Variants in RRAD observed in about 807,000 individuals in gnomAD.
The protein encoded by RRAD is GTP-binding protein RAD.
Under a neutral mutation model 24.7 loss-of-function variants are expected in RRAD, and 15 were observed. The observed-to-expected ratio is 0.61, with a 90% CI of 0.41 to 0.93. RRAD has a LOEUF of 0.93. Ranked by LOEUF, RRAD falls within the 40% of genes least tolerant of loss-of-function variation. The pLI is 0.00. For missense variants in RRAD, 438 were observed against 452.2 expected, an observed-to-expected ratio of 0.97 and a Z score of 0.29; for synonymous variants, 180 against 189.8, an observed-to-expected ratio of 0.95 and a Z score of 0.43.
Position 66,923,826 on chromosome 16 carries a change from G to T in RRAD, c.444+20C>A, listed in dbSNP as rs754416555. The T allele has an allele frequency of 6.2e-7, 1 of 1,612,752 alleles. No individual in the cohort carries two copies. Among genetic ancestry groups the T allele is most frequent in the Non-Finnish European group, 8.5e-7 (1 of 1,178,960 alleles). The stretch of plus-strand genomic sequence containing the variant: ...ACTCACTCCTCCCTCCCCTGCCCTG[G>T]GTCTCTGCTTGCACCCTACCTGCTC... On this transcript the variant is annotated intron_variant, in intron 3 of 4. Transcript: ENST00000299759. The surrounding 1 kb of genome is among the most constrained non-coding windows in gnomAD (Gnocchi z 4.9).
chr16:66,923,428 G>A lies in RRAD; in HGVS notation c.649+88C>T, dbSNP rs1962945246. On this transcript the variant is annotated intron_variant, in intron 4 of 4. Transcript: ENST00000299759. This position sits in a 1 kb window ranked among gnomAD's most constrained non-coding sequence, Gnocchi z 4.9. ...TTTCTGAACATTTTTAGCCTCTGATGATCCCCAGGGACTCAAGCTGAGCCA... is the reference window on the plus strand; with the variant it reads ...TTTCTGAACATTTTTAGCCTCTGATAATCCCCAGGGACTCAAGCTGAGCCA... 9.3e-7 allele frequency: 1 copy of A among 1,075,270 alleles called. No homozygotes were observed. The highest frequency in any genetic ancestry group is 1.4e-6 in the Non-Finnish European group (1 of 736,760). The allele number at this position is 1,075,270 out of a possible 1,614,324, so 66.6% of individuals were successfully genotyped here. A position where few individuals can be genotyped will look rare whatever the true frequency, so the allele number is the denominator to read the frequency against.
rs111919092 is a variant in RRAD, at chr16:66,924,699, T to TAATAATAATAAC, written c.370+110_370+111insGTTATTATTATT. The TAATAATAATAAC allele has an allele frequency of 0.012, 7,800 of 661,078 alleles. 86 individuals carry two copies. Among genetic ancestry groups the TAATAATAATAAC allele is most frequent in the African/African-American group, 0.051 (1,916 of 37,508 alleles). 41.0% of individuals were successfully genotyped at this position (661,078 alleles called of 1,614,324 possible). A position where few individuals can be genotyped will look rare whatever the true frequency, so the allele number is the denominator to read the frequency against. On this transcript the variant is annotated intron_variant, in intron 2 of 4. Transcript: ENST00000299759. This position sits in a 1 kb window ranked among gnomAD's most constrained non-coding sequence, Gnocchi z 4.2. ...AATAAAATAATAATAATAATAATAA[T>TAATAATAATAAC]AACAACAACAACAACTATAATTCCA...
At position 66,924,573 on chromosome 16, in the gene RRAD, G is replaced by C. The variant is rs554710882; in HGVS notation, c.370+237C>G. ...CTAGCTACTCTGGAGGCTGAGGCAGGAGAATCCCTTGAAACCTGAAGGCGG... is the reference window on the plus strand; with the variant it reads ...CTAGCTACTCTGGAGGCTGAGGCAGCAGAATCCCTTGAAACCTGAAGGCGG... On this transcript the variant is annotated intron_variant, in intron 2 of 4. Transcript: ENST00000299759. The surrounding 1 kb of genome is among the most constrained non-coding windows in gnomAD (Gnocchi z 4.2). Among the ~76,000 whole-genome samples the C allele has an allele frequency of 1.1e-4, 17 of 152,146 alleles. No individual in the cohort carries two copies. Among genetic ancestry groups the C allele is most frequent in the Non-Finnish European group, 1.9e-4 (13 of 68,036 alleles).
At position 66,925,366 on chromosome 16, in the gene RRAD, T is replaced by A. The variant is rs1962984972; in HGVS notation, c.-16+43A>T. On this transcript the variant is annotated intron_variant, in intron 1 of 4. Coordinates refer to ENST00000299759, the MANE Select transcript of RRAD (RefSeq NM_004165.3). The surrounding 1 kb of genome is among the most constrained non-coding windows in gnomAD (Gnocchi z 5.2). ...CCGGGACCCCTCCGGACCTGGCGCA[T>A]CCATCTGCAGCCGCCCCGACCCCGC... The A allele has an allele frequency of 2.2e-6, 1 of 462,450 alleles. No individual in the cohort carries two copies. Among genetic ancestry groups the A allele is most frequent in the Non-Finnish European group, 3.4e-6 (1 of 294,680 alleles). The allele number at this position is 462,450 out of a possible 1,614,324, so 28.6% of individuals were successfully genotyped here. A position where few individuals can be genotyped will look rare whatever the true frequency, so the allele number is the denominator to read the frequency against.
At position 66,922,127 on chromosome 16, in the gene RRAD, C is replaced by A. The variant is rs1244238924; in HGVS notation, c.876G>T (p.Lys292Asn). ...LGRIVARNSR[K>N]MAFRAKSKSC... ...ACTTGGATTTGGCGCGAAAGGCCAT[C>A]TTGCGGCTGTTACGAGCTACGATGC... The change falls in exon 5 of 5, where the codon AAG becomes AAT. Residue 292 changes from lysine (K) to asparagine (N), a missense_variant. By Grantham distance (94) the Lys-to-Asn change is moderately conservative. Transcript: ENST00000299759. 2 of 1,613,104 alleles carry A rather than the reference C, an allele frequency of 1.2e-6. No homozygotes were observed. Among genetic ancestry groups the A allele is most frequent in the Non-Finnish European group, 1.7e-6 (2 of 1,179,046 alleles).
chr16:66,923,270 A>G lies in RRAD; in HGVS notation c.649+246T>C, dbSNP rs1489911519. On this transcript the variant is annotated intron_variant, in intron 4 of 4. Coordinates refer to ENST00000299759, the MANE Select transcript of RRAD (RefSeq NM_004165.3). This position sits in a 1 kb window ranked among gnomAD's most constrained non-coding sequence, Gnocchi z 4.9. Reference sequence around the variant, plus strand: ...CCCAACCAGCCAGGCCAGGACCAAGAGGGGCAGGAGAGGAGGGCCCTGCGG... The same window carrying G: ...CCCAACCAGCCAGGCCAGGACCAAGGGGGGCAGGAGAGGAGGGCCCTGCGG... Among the ~76,000 whole-genome samples, 1 of 152,032 alleles carries G rather than the reference A, an allele frequency of 6.6e-6. No individual in the cohort carries two copies. The highest frequency in any genetic ancestry group is 1.5e-5 in the Non-Finnish European group (1 of 67,974).
In RRAD at chr16:66,921,935, T is replaced by C. The variant is rs750422969; in HGVS notation, c.*141A>G. 7.2e-6 allele frequency: 5 copies of C among 694,458 alleles called. No individual in the cohort carries two copies. The South Asian group carries it at 7.6e-5, about 11-fold the overall frequency. 43.0% of individuals were successfully genotyped at this position (694,458 alleles called of 1,614,324 possible). ...CAGGGCAGCACTGTCTATCTGTCCA[T>C]GACCATGAGGTTGGGGGTGCCCGGC... On this transcript the variant is annotated 3_prime_UTR_variant, in exon 5 of 5. Coordinates refer to ENST00000299759, the MANE Select transcript of RRAD (RefSeq NM_004165.3).
chr16:66,924,687 TAATAATAATAATAAC>T lies in RRAD; in HGVS notation c.370+108_370+122del. 2.9e-6 allele frequency: 2 copies of T among 696,158 alleles called. No homozygotes were observed. The highest frequency in any genetic ancestry group is 3.9e-6 in the Non-Finnish European group (2 of 509,530). 43.1% of individuals were successfully genotyped at this position (696,158 alleles called of 1,614,324 possible). A position where few individuals can be genotyped will look rare whatever the true frequency, so the allele number is the denominator to read the frequency against. On this transcript the variant is annotated intron_variant, in intron 2 of 4. Transcript: ENST00000299759. The surrounding 1 kb of genome is among the most constrained non-coding windows in gnomAD (Gnocchi z 4.2). ...TCTCAAAATAATAATAAAATAATAA[TAATAATAATAATAAC>T]AACAACAACAACTATAATTCCACGG...
At position 66,924,286 on chromosome 16, in the gene RRAD, C is replaced by T. The variant is rs771910035; in HGVS notation, c.371-367G>A. ...TCTACTCTGGGCATTTCTTCCCTAC[C>T]AAAGGCTGGGGGGTGTCCCTTCTCC... is the stretch of plus-strand genomic sequence containing the variant. On this transcript the variant is annotated intron_variant, in intron 2 of 4. Coordinates refer to ENST00000299759, the MANE Select transcript of RRAD (RefSeq NM_004165.3). The surrounding 1 kb of genome is among the most constrained non-coding windows in gnomAD (Gnocchi z 4.2). Among the ~76,000 whole-genome samples the T allele has an allele frequency of 6.6e-6, 1 of 152,200 alleles. No individual in the cohort carries two copies. Among genetic ancestry groups the T allele is most frequent in the Non-Finnish European group, 1.5e-5 (1 of 68,030 alleles).
chr16:66,922,715 C>G (rs1043895361), intron 4 of RRAD, among the ~76,000 whole-genome samples: 1 of 152,202 alleles, frequency 6.6e-6, no homozygotes, highest in Non-Finnish European at 1.5e-5. Context: ...GATAGAGTCT[C>G]GCTGTCTCCC....
rs1408187397 is a variant in RRAD, at chr16:66,924,002, A to AACTCTTC, written c.371-90_371-84dup. On this transcript the variant is annotated intron_variant, in intron 2 of 4. Transcript: ENST00000299759. This position sits in a 1 kb window ranked among gnomAD's most constrained non-coding sequence, Gnocchi z 4.2. ...GTTTCCTGTTCTGGCCACACCCTCC[A>AACTCTTC]ACTCTTCCCCAGAGCCCTCCTTACC... 2 of 1,078,948 alleles carry AACTCTTC rather than the reference A, an allele frequency of 1.9e-6. No homozygotes were observed. The highest frequency in any genetic ancestry group is 3.1e-5 in the African/African-American group (2 of 64,340). 66.8% of individuals were successfully genotyped at this position (1,078,948 alleles called of 1,614,324 possible). A position where few individuals can be genotyped will look rare whatever the true frequency, so the allele number is the denominator to read the frequency against.
At position 66,922,065 on chromosome 16, in the gene RRAD, G is replaced by C. The variant is rs754740647; in HGVS notation, c.*11C>G. ...CCGTTCGTCTCCCACCATAGTGGGA[G>C]CGGGTGGGACCTAGAGAACCGAGAG... On this transcript the variant is annotated 3_prime_UTR_variant, in exon 5 of 5. Coordinates refer to ENST00000299759, the MANE Select transcript of RRAD (RefSeq NM_004165.3). 1.9e-6 allele frequency: 3 copies of C among 1,597,646 alleles called. No homozygotes were observed. In the Admixed American group the frequency reaches 5.0e-5, roughly 27 times the overall value.
At position 66,923,460 on chromosome 16, in the gene RRAD, C is replaced by A. The variant is rs1228337677; in HGVS notation, c.649+56G>T. On this transcript the variant is annotated intron_variant, in intron 4 of 4. Transcript: ENST00000299759. The surrounding 1 kb of genome is among the most constrained non-coding windows in gnomAD (Gnocchi z 4.9). Reference sequence around the variant, plus strand: ...AGGGACTCAAGCTGAGCCAAGACTGCCTGGATCAGGGCCCAGCTGGGCTCT... The same window carrying A: ...AGGGACTCAAGCTGAGCCAAGACTGACTGGATCAGGGCCCAGCTGGGCTCT... 1 of 1,439,364 alleles carries A rather than the reference C, an allele frequency of 6.9e-7. No homozygotes were observed. The highest frequency in any genetic ancestry group is 9.5e-7 in the Non-Finnish European group (1 of 1,049,434). The allele number at this position is 1,439,364 out of a possible 1,614,324, so 89.2% of individuals were successfully genotyped here.
Position 66,923,851 on chromosome 16 carries a change from C to T in RRAD, c.439G>A (p.Glu147Lys). 1 of 1,613,992 alleles carries T rather than the reference C, an allele frequency of 6.2e-7. No homozygotes were observed. The highest frequency in any genetic ancestry group is 8.5e-7 in the Non-Finnish European group (1 of 1,179,924). ...GGTCTCTGCTTGCACCCTACCTGCT[C>T]CCAAATGTCGTAGACCATGAGTGAT... The part of the protein sequence containing the change: ...EASLMVYDIW[E>K]QDGGRWLPGH... Residue 147 changes from glutamate to lysine, a missense_variant, in exon 3 of 5, where the codon GAG becomes AAG. By Grantham distance (56) the Glu-to-Lys change is moderately conservative. Coordinates refer to ENST00000299759, the MANE Select transcript of RRAD (RefSeq NM_004165.3). The surrounding 1 kb of genome is among the most constrained non-coding windows in gnomAD (Gnocchi z 4.9).
At position 66,924,954 on chromosome 16, in the gene RRAD, A is replaced by G. The variant is rs1165119242; in HGVS notation, c.226T>C (p.Ser76Pro). 2 of 1,542,344 alleles carry G rather than the reference A, an allele frequency of 1.3e-6. No individual in the cohort carries two copies. The highest frequency in any genetic ancestry group is 1.7e-6 in the Non-Finnish European group (2 of 1,149,710). The stretch of plus-strand genomic sequence containing the variant: ...CCCCCTGAGCTGAGCGAGTCCTCGG[A>G]GTCCTCGGGCCAGTCCAGCCTGGGA... ...QGPRLDWPED[S>P]EDSLSSGGSD... is the part of the protein sequence containing the mutation. The change falls in exon 2 of 5, where the codon TCC becomes CCC. Residue 76 changes from serine (S) to proline (P), a missense_variant. By Grantham distance (74) the Ser-to-Pro change is moderately conservative. Coordinates refer to ENST00000299759, the MANE Select transcript of RRAD (RefSeq NM_004165.3). The surrounding 1 kb of genome is among the most constrained non-coding windows in gnomAD (Gnocchi z 4.2).
At position 66,921,840 on chromosome 16, in the gene RRAD, T is replaced by A. The variant is rs978127177; in HGVS notation, c.*236A>T. On this transcript the variant is annotated 3_prime_UTR_variant, in exon 5 of 5. Transcript: ENST00000299759. ...GCCCGGCGGCTGCGCTGCGGCTGCT[T>A]GGGACGCATATGAGCCTGCGCATGC... is the stretch of plus-strand genomic sequence containing the variant. 2.1e-6 allele frequency: 1 copy of A among 470,618 alleles called. No homozygotes were observed. Among genetic ancestry groups the A allele is most frequent in the East Asian group, 3.3e-5 (1 of 30,118 alleles). The allele number at this position is 470,618 out of a possible 1,614,324, so 29.2% of individuals were successfully genotyped here.
intron 4 of RRAD, among the ~76,000 whole-genome samples, chr16:66,922,765 C>T (rs1339212457): frequency 1.3e-5 from 2 of 152,322 alleles, no homozygotes; most frequent in East Asian, 3.9e-4. Flanking sequence ...TCACTGAAAG[C>T]TCCGCCTCCC....
rs1185139653 is a variant in RRAD, at chr16:66,924,862, G to A, written c.318C>T (p.Ala106=). 3.1e-6 allele frequency: 5 copies of A among 1,588,208 alleles called. No individual in the cohort carries two copies. Among genetic ancestry groups the A allele is most frequent in the Non-Finnish European group, 4.3e-6 (5 of 1,172,122 alleles). ...CCACACCGCCGAAGATGCGCGCCAG[G>A]GCGCTCTTGCCCACGCCGGGCGCCC... The part of the protein sequence containing the change: ...LLGAPGVGKS[A]LARIFGGVED... The change falls in exon 2 of 5, where the codon GCC becomes GCT. Residue 106 remains alanine, a synonymous_variant. Transcript: ENST00000299759. The surrounding 1 kb of genome is among the most constrained non-coding windows in gnomAD (Gnocchi z 4.2).
intron 4 of RRAD, among the ~76,000 whole-genome samples, chr16:66,922,830 C>T (rs1962935244): frequency 6.6e-6 from 1 of 151,596 alleles, no homozygotes; most frequent in Admixed American, 6.6e-5. Context: ...CTACAGGCGC[C>T]CGCCACCACG....
Sources: allele counts gnomAD v4.1 joint callset (sites outside exome capture counted in the v4.1 genomes callset), GRCh38; gene constraint gnomAD v4.1.1; non-coding constraint Gnocchi (gnomAD v3.1); transcripts MANE v1.5; gene names NCBI Gene and HGNC (gene_info 2026-07-23, HGNC 2026-07-21).